SYT1: variants seen among roughly 807,000 people sequenced by gnomAD.
The protein encoded by SYT1 is synaptotagmin-1.
In SYT1, 8 loss-of-function variants were observed where a neutral mutation model predicts 44.8. That is an observed-to-expected ratio of 0.18 (90% CI 0.10 to 0.32). The LOEUF is 0.32. Among genes scored for constraint, SYT1 ranks in the 10% least tolerant of loss-of-function variants. The probability of loss-of-function intolerance (pLI) is 1.00; values close to 1 mark genes in which losing one functional copy is unlikely to be tolerated. For synonymous variants in SYT1, 154 were observed against 188.8 expected (o/e 0.82, Z 1.51); for missense variants, 286 against 509.3 (o/e 0.56, Z 4.22).
At chr12:79,272,054 A>G (rs886878292) in intron 4 of SYT1, among the ~76,000 whole-genome samples, 1 of 152,212 alleles carries the variant, frequency 6.6e-6, no homozygotes, top group East Asian at 1.9e-4. Flanking sequence ...AAATCCATCA[A>G]TGCTAAGTGA....
At chr12:79,443,182 A>G (rs912141925) in intron 9 of SYT1, among the ~76,000 whole-genome samples, 3 of 152,120 alleles carry the variant, frequency 2.0e-5, no homozygotes, top group African/African-American at 7.2e-5. Flanking sequence ...TTCAGTGTGT[A>G]CCGGTCTCTT....
At chr12:79,325,626 A>G (rs1164026518) in intron 8 of SYT1, among the ~76,000 whole-genome samples, 3 of 152,142 alleles carry the variant, frequency 2.0e-5, no homozygotes, top group African/African-American at 7.2e-5. Context: ...CATTTCAGGT[A>G]AGGCCTATGA....
intron 3 of SYT1, among the ~76,000 whole-genome samples, chr12:79,068,675 T>C (rs1435777596): frequency 1.3e-5 from 2 of 152,120 alleles, no homozygotes; most frequent in Non-Finnish European, 2.9e-5. Flanking sequence ...ATTCCAAACA[T>C]TTTCCATAAT....
intron 4 of SYT1, among the ~76,000 whole-genome samples, chr12:79,229,499 G>A (rs193120314): frequency 5.9e-5 from 9 of 152,262 alleles, no homozygotes; most frequent in East Asian, 1.9e-4. Flanking sequence ...GTGTGTCTGT[G>A]TGTGTACTAC....
At chr12:79,310,497 C>T (rs1880720804) in intron 8 of SYT1, among the ~76,000 whole-genome samples, 1 of 151,990 alleles carries the variant, frequency 6.6e-6, no homozygotes, top group South Asian at 2.1e-4. Context: ...CTTGGCAATG[C>T]AGGCTCTTTT....
intron 4 of SYT1, among the ~76,000 whole-genome samples, chr12:79,230,212 T>G (rs1346657102): frequency 6.6e-6 from 1 of 152,198 alleles, no homozygotes; most frequent in Non-Finnish European, 1.5e-5. Flanking sequence ...CATGGAATAG[T>G]CTAGTTTGTA....
intron 3 of SYT1, among the ~76,000 whole-genome samples, chr12:79,185,343 C>G (rs1010971422): frequency 1.3e-5 from 2 of 151,690 alleles, no homozygotes; most frequent in Admixed American, 6.6e-5. Context: ...TTCTATTGAG[C>G]CTGGTAAGGT....
At chr12:79,067,688 A>G (rs949409655) in intron 3 of SYT1, among the ~76,000 whole-genome samples, 4 of 152,168 alleles carry the variant, frequency 2.6e-5, no homozygotes, top group East Asian at 3.9e-4. Context: ...TAAAACATCA[A>G]TACCAACTGT....
intron 8 of SYT1, among the ~76,000 whole-genome samples, chr12:79,314,642 C>A (rs966455003): frequency 5.9e-5 from 9 of 152,158 alleles, no homozygotes; most frequent in Non-Finnish European, 1.3e-4. Context: ...GATGTAGCCA[C>A]TTTTGAAACC....
chr12:79,060,461 T>A (rs1453735246), intron 3 of SYT1, among the ~76,000 whole-genome samples: 1 of 151,996 alleles, frequency 6.6e-6, no homozygotes, highest in Non-Finnish European at 1.5e-5. Context: ...TCCGTACATA[T>A]TAAACAGCAA....
At chr12:79,188,110 GTGC>G (rs1270161914) in intron 3 of SYT1, among the ~76,000 whole-genome samples, 8 of 151,984 alleles carry the variant, frequency 5.3e-5, no homozygotes. Context: ...CATATTTATT[GTGC>G]TGCTTTTTAA....
chr12:79,013,500 A>G (rs1375817380), intron 2 of SYT1, among the ~76,000 whole-genome samples: 1 of 152,186 alleles, frequency 6.6e-6, no homozygotes, highest in Non-Finnish European at 1.5e-5. Flanking sequence ...TTACAAGTAG[A>G]TGCTGTTGGA....
At chr12:79,146,596 G>A (rs1469362705) in intron 3 of SYT1, among the ~76,000 whole-genome samples, 1 of 152,150 alleles carries the variant, frequency 6.6e-6, no homozygotes, top group Non-Finnish European at 1.5e-5. Context: ...ATCTTCTCCA[G>A]ACATTCACCT....
At chr12:78,897,550 C>A (rs1875429092) in intron 1 of SYT1, among the ~76,000 whole-genome samples, 1 of 151,916 alleles carries the variant, frequency 6.6e-6, no homozygotes, top group African/African-American at 2.4e-5. Flanking sequence ...TTATCCTGAT[C>A]CTTTAAAATG....
At position 79,450,943 on chromosome 12, in the gene SYT1, GT is replaced by G; in HGVS notation, c.*1820del. On this transcript the variant is annotated 3_prime_UTR_variant, in exon 11 of 11. Transcript: ENST00000261205. Reference sequence around the variant, plus strand: ...ATTTTAATTTCCAGGCCACAAGACAGTAGTGATGCTCTGAAATGAAAGTTTG... The same window carrying G: ...ATTTTAATTTCCAGGCCACAAGACAGAGTGATGCTCTGAAATGAAAGTTTG... The G allele has an allele frequency of 6.5e-6, 1 of 152,758 alleles. No homozygotes were observed. The highest frequency in any genetic ancestry group is 1.5e-5 in the Non-Finnish European group (1 of 68,038). The allele number at this position is 152,758 out of a possible 1,614,324, so 9.5% of individuals were successfully genotyped here.
intron 9 of SYT1, among the ~76,000 whole-genome samples, chr12:79,413,050 A>G (rs1249144170): frequency 6.6e-6 from 1 of 152,154 alleles, no homozygotes; most frequent in Non-Finnish European, 1.5e-5. Flanking sequence ...TTCAGACTGA[A>G]AGGAAAAAGC....
intron 4 of SYT1, among the ~76,000 whole-genome samples, chr12:79,256,910 C>T (rs1877553039): frequency 6.6e-6 from 1 of 152,124 alleles, no homozygotes; most frequent in African/African-American, 2.4e-5. Flanking sequence ...TTTAAATTAA[C>T]TTCAGGAAAT....
At chr12:78,923,360 G>A (rs1877115271) in intron 1 of SYT1, among the ~76,000 whole-genome samples, 1 of 151,854 alleles carries the variant, frequency 6.6e-6, no homozygotes, top group Non-Finnish European at 1.5e-5. Context: ...ATTGGCATGT[G>A]TTACAGCTCC....
At chr12:79,340,208 A>T (rs1174598210) in intron 8 of SYT1, among the ~76,000 whole-genome samples, 3 of 152,186 alleles carry the variant, frequency 2.0e-5, no homozygotes, top group Non-Finnish European at 4.4e-5. Flanking sequence ...TCTGTGAAGA[A>T]AGTCATTGGT....
Sources: gnomAD v4.1 joint callset for allele counts (sites outside exome capture counted in the v4.1 genomes callset) on GRCh38, gnomAD v4.1.1 for gene constraint, MANE v1.5 for transcripts, NCBI Gene and HGNC (gene_info 2026-07-23, HGNC 2026-07-21) for gene names.